SORCS2: variants seen among roughly 807,000 people sequenced by gnomAD.
SORCS2 encodes the protein VPS10 domain-containing receptor SorCS2.
Under a neutral mutation model 141.6 loss-of-function variants are expected in SORCS2, and 100 were observed. That is an observed-to-expected ratio of 0.71 (90% CI 0.60 to 0.83). The LOEUF (loss-of-function observed/expected upper bound fraction) is 0.83. Among genes scored for constraint, SORCS2 ranks in the 40% least tolerant of loss-of-function variants. The pLI, the probability that SORCS2 is intolerant of heterozygous loss-of-function variation, is 0.00. For synonymous variants in SORCS2, 789 were observed against 676.9 expected, an observed-to-expected ratio of 1.17 and a Z score of -2.57; for missense variants, 1,646 against 1,560.2, an observed-to-expected ratio of 1.05 and a Z score of -0.93.
At position 7,712,776 on chromosome 4, in the gene SORCS2, A is replaced by G; in HGVS notation, c.1912A>G (p.Lys638Glu). The G allele has an allele frequency of 6.2e-7, 1 of 1,613,888 alleles. No individual in the cohort carries two copies. Among genetic ancestry groups the G allele is most frequent in the Non-Finnish European group, 8.5e-7 (1 of 1,179,788 alleles). ...ISFRSDWELV[K>E]VDFRPSFSRQ... ...CTTCCGCTCCGATTGGGAGCTGGTC[A>G]AGGTGGACTTCCGGCCCTCATTCTC... The change falls in exon 15 of 27, where the codon AAG becomes GAG. Residue 638 changes from lysine (K) to glutamate (E), a missense_variant. By Grantham distance (56) the Lys-to-Glu change is moderately conservative (BLOSUM62 1). Transcript: ENST00000507866.
chr4:7,455,377 G>A (rs1413280772), intron 2 of SORCS2, among the ~76,000 whole-genome samples: 1 of 112,976 alleles, frequency 8.9e-6, no homozygotes, highest in Non-Finnish European at 1.8e-5. Flanking sequence ...GTCAGGAGCT[G>A]TGTGTTGGGG....
intron 19 of SORCS2, among the ~76,000 whole-genome samples, 177 bp from the exon 20 acceptor site, chr4:7,724,974 TTGG>T (rs1479573532): frequency 1.0e-5 from 1 of 97,762 alleles, no homozygotes; most frequent in African/African-American, 4.8e-5. Context: ...GGTGATAGTG[TTGG>T]TGGGAATGGA....
chr4:7,482,514 GAC>G (rs1373569014), intron 2 of SORCS2, among the ~76,000 whole-genome samples: 1 of 74,110 alleles, frequency 1.3e-5, no homozygotes, highest in East Asian at 4.6e-4. Flanking sequence ...GGACACCCCT[GAC>G]GCTGTTCAGA....
At chr4:7,685,910 T>C (rs1425963425) in intron 10 of SORCS2, among the ~76,000 whole-genome samples, 1 of 152,192 alleles carries the variant, frequency 6.6e-6, no homozygotes, top group African/African-American at 2.4e-5. Flanking sequence ...TATTGCAGAA[T>C]GCTTGGAAGA....
Position 7,734,143 on chromosome 4 carries a change from GGCAGGGGACAA to G in SORCS2, c.3209-126_3209-116del, listed in dbSNP as rs375754596. 2,442 of 650,010 alleles carry G rather than the reference GGCAGGGGACAA, an allele frequency of 3.8e-3. 40 individuals carry two copies. In the African/African-American group the frequency reaches 0.04, roughly 11 times the overall value. 40.3% of individuals were successfully genotyped at this position (650,010 alleles called of 1,614,324 possible). ...ACAGGCAGGAAATGGGCCAGGGACAGGCAGGGGACAAGCTGGGGATGGGCGGGGGACAGGCT... is the reference window on the plus strand; with the variant it reads ...ACAGGCAGGAAATGGGCCAGGGACAGGCTGGGGATGGGCGGGGGACAGGCT... On this transcript the variant is annotated intron_variant, in intron 24 of 26. Transcript: ENST00000507866.
intron 3 of SORCS2, among the ~76,000 whole-genome samples, chr4:7,628,696 G>A (rs1233360601): frequency 2.0e-5 from 3 of 151,962 alleles, no homozygotes; most frequent in African/African-American, 4.8e-5. Context: ...CAGGAAGTGA[G>A]CACAATAACA....
At chr4:7,238,296 G>C (rs909038202) in intron 1 of SORCS2, among the ~76,000 whole-genome samples, 1 of 152,066 alleles carries the variant, frequency 6.6e-6, no homozygotes. Flanking sequence ...AGTCTGGGGG[G>C]GGTTGCTGGT....
intron 24 of SORCS2, among the ~76,000 whole-genome samples, chr4:7,733,623 T>C (rs2148898097): frequency 6.6e-6 from 1 of 152,324 alleles, no homozygotes; most frequent in Middle Eastern, 3.4e-3. Flanking sequence ...GCACTGCTCT[T>C]ACCTGATACC....
intron 1 of SORCS2, among the ~76,000 whole-genome samples, chr4:7,392,121 C>T (rs1723905026): frequency 6.6e-6 from 1 of 152,242 alleles, no homozygotes. Flanking sequence ...AGGTTGCAGA[C>T]CTGGCCCTGG....
chr4:7,256,106 A>G (rs995277914), intron 1 of SORCS2, among the ~76,000 whole-genome samples: 7 of 152,170 alleles, frequency 4.6e-5, no homozygotes, highest in African/African-American at 7.2e-5. Context: ...CCTAGGGTCT[A>G]CAAACTCGGA....
intron 2 of SORCS2, among the ~76,000 whole-genome samples, chr4:7,398,259 G>C (rs1339350767): frequency 6.6e-6 from 1 of 152,192 alleles, no homozygotes; most frequent in Non-Finnish European, 1.5e-5. Context: ...GGTGGCAGCA[G>C]AGAGGCCAAA....
chr4:7,355,449 T>A (rs189634277), intron 1 of SORCS2, among the ~76,000 whole-genome samples: 222 of 152,336 alleles, frequency 1.5e-3, no homozygotes, highest in African/African-American at 5.1e-3. Context: ...TATAAATATT[T>A]ATTTTTTTTG....
intron 2 of SORCS2, among the ~76,000 whole-genome samples, chr4:7,486,802 G>C (rs538518020): frequency 2.6e-5 from 4 of 152,248 alleles, no homozygotes; most frequent in South Asian, 2.1e-4. Flanking sequence ...GGATCATCTC[G>C]TCTGTCTCTC....
At chr4:7,678,449 G>A (rs113280804) in intron 9 of SORCS2, among the ~76,000 whole-genome samples, 64 of 140,146 alleles carry the variant, frequency 4.6e-4, no homozygotes, top group Middle Eastern at 5.8e-3. Context: ...TGACTGCCCG[G>A]GGTTCAGGTC....
At chr4:7,280,672 A>G (rs1560161347) in intron 1 of SORCS2, among the ~76,000 whole-genome samples, 2 of 152,222 alleles carry the variant, frequency 1.3e-5, no homozygotes. Flanking sequence ...CCCACCATCA[A>G]TGAATGACAG....
At chr4:7,367,714 T>C (rs946343140) in intron 1 of SORCS2, among the ~76,000 whole-genome samples, 10 of 152,244 alleles carry the variant, frequency 6.6e-5, no homozygotes, top group Admixed American at 6.5e-4. Context: ...AGGAAATTGC[T>C]TATTATGGGT....
At chr4:7,429,544 G>C (rs1049999154) in intron 2 of SORCS2, among the ~76,000 whole-genome samples, 1 of 152,208 alleles carries the variant, frequency 6.6e-6, no homozygotes, top group Non-Finnish European at 1.5e-5. Flanking sequence ...ATTTTCAGAG[G>C]CTAGCTGGAA....
At position 7,728,361 on chromosome 4, in the gene SORCS2, G is replaced by A; in HGVS notation, c.2881G>A (p.Val961Ile). The A allele has an allele frequency of 6.2e-7, 1 of 1,613,440 alleles. No homozygotes were observed. Residue 961 changes from valine to isoleucine, a missense_variant, in exon 22 of 27, where the codon GTC (valine) becomes ATC (isoleucine). By Grantham distance (29) the Val-to-Ile change is conservative (BLOSUM62 3). Coordinates refer to ENST00000507866, the MANE Select transcript of SORCS2 (RefSeq NM_020777.3). ...RVLRVLDQFQ[V>I]MPLQFSKELD... The stretch of plus-strand genomic sequence containing the variant: ...CTGCGTCTTTCCAGATCAATTTCAA[G>A]TCATGCCTCTGCAGTTTTCCAAGGA...
chr4:7,359,297 C>A (rs1721440867), intron 1 of SORCS2, among the ~76,000 whole-genome samples: 1 of 139,346 alleles, frequency 7.2e-6, no homozygotes, highest in Admixed American at 7.2e-5. Flanking sequence ...CTCTGTTAAG[C>A]AAACAAGCAA....
Sources: allele counts gnomAD v4.1 joint callset (sites outside exome capture counted in the v4.1 genomes callset), GRCh38; gene constraint gnomAD v4.1.1; transcripts MANE v1.5; gene names NCBI Gene and HGNC (gene_info 2026-07-23, HGNC 2026-07-21).